The following TMEM132D variants were observed in gnomAD, a reference collection of about 807,000 sequenced individuals.
TMEM132D encodes mature OL transmembrane protein.
A neutral mutation model predicts 62.3 loss-of-function variants in TMEM132D; 21 were observed. The ratio of observed to expected loss-of-function variants is 0.34; its 90% confidence interval spans 0.24 to 0.49. TMEM132D has a LOEUF of 0.49. Among genes scored for constraint, TMEM132D ranks in the 20% least tolerant of loss-of-function variants. The probability of loss-of-function intolerance (pLI) is 0.99; values close to 1 mark genes in which losing one functional copy is unlikely to be tolerated. For synonymous variants in TMEM132D, 621 were observed against 575.6 expected, an observed-to-expected ratio of 1.08 and a Z score of -1.13; for missense variants, 1,346 against 1,402.8, an observed-to-expected ratio of 0.96 and a Z score of 0.65.
At chr12:129,569,323 T>C (rs777155078) in intron 2 of TMEM132D, among the ~76,000 whole-genome samples, 6 of 152,058 alleles carry the variant, frequency 3.9e-5, no homozygotes, top group African/African-American at 1.2e-4. Context: ...AAGGTAAACT[T>C]GGATATCTGG....
At chr12:129,619,320 C>G (rs1879002422) in intron 2 of TMEM132D, among the ~76,000 whole-genome samples, 1 of 152,054 alleles carries the variant, frequency 6.6e-6, no homozygotes, top group African/African-American at 2.4e-5. Flanking sequence ...GATCTGCATC[C>G]CTGTTGAAAT....
intron 5 of TMEM132D, among the ~76,000 whole-genome samples, chr12:129,092,480 A>G (rs1874957948): frequency 1.3e-5 from 2 of 152,140 alleles, no homozygotes; most frequent in Non-Finnish European, 1.5e-5. Flanking sequence ...GGATCACCTG[A>G]GGTCAGGAGT....
At chr12:129,870,045 G>A (rs1262053854) in intron 1 of TMEM132D, among the ~76,000 whole-genome samples, 5 of 152,208 alleles carry the variant, frequency 3.3e-5, no homozygotes, top group Non-Finnish European at 5.9e-5. Flanking sequence ...CTGGAGTGCA[G>A]AGGTGTGATC....
At chr12:129,252,865 A>C (rs1162868708) in intron 4 of TMEM132D, among the ~76,000 whole-genome samples, 1 of 152,134 alleles carries the variant, frequency 6.6e-6, no homozygotes, top group African/African-American at 2.4e-5. Flanking sequence ...GCAGCCATAA[A>C]AAAGGATGAG....
At chr12:129,767,176 G>A (rs1279432988) in intron 1 of TMEM132D, among the ~76,000 whole-genome samples, 2 of 152,196 alleles carry the variant, frequency 1.3e-5, no homozygotes, top group South Asian at 2.1e-4. Flanking sequence ...TCCAGAAAAT[G>A]TATTGTTCTT....
intron 1 of TMEM132D, among the ~76,000 whole-genome samples, chr12:129,894,004 C>T (rs910626292): frequency 1.4e-4 from 21 of 152,222 alleles, no homozygotes; most frequent in African/African-American, 3.9e-4. Flanking sequence ...TCCCCACCAG[C>T]ATCAGATGAG....
intron 3 of TMEM132D, among the ~76,000 whole-genome samples, chr12:129,464,778 T>C (rs949745785): frequency 1.3e-5 from 2 of 152,190 alleles, no homozygotes; most frequent in Non-Finnish European, 2.9e-5. Context: ...GATCAGATAG[T>C]TGTAGATATG....
chr12:129,483,998 C>G (rs982576857), intron 3 of TMEM132D, among the ~76,000 whole-genome samples: 18 of 152,190 alleles, frequency 1.2e-4, no homozygotes, highest in African/African-American at 4.3e-4. Flanking sequence ...GAGGCAGAGT[C>G]TCACTCTGTC....
At position 129,700,621 on chromosome 12, in the gene TMEM132D, T is replaced by A. The variant is rs1483250888; in HGVS notation, c.157A>T (p.Ile53Phe). ...LPTYLPVTYH[I>F]NNADVSFFLK... ...AAGAAGGAGACGTCCGCGTTGTTGATGTGGTAGGTCACGGGGAGGTAGGTG... is the reference window on the plus strand; with the variant it reads ...AAGAAGGAGACGTCCGCGTTGTTGAAGTGGTAGGTCACGGGGAGGTAGGTG... Residue 53 changes from isoleucine to phenylalanine, a missense_variant, in exon 2 of 9, where the codon ATC becomes TTC. Transcript: ENST00000422113. The A allele has an allele frequency of 1.9e-6, 3 of 1,614,034 alleles. No individual in the cohort carries two copies. The highest frequency in any genetic ancestry group is 2.5e-6 in the Non-Finnish European group (3 of 1,180,016).
rs550601053 is a variant in TMEM132D at position 129,877,781 on chromosome 12, T to G, written c.79+25480A>C. On this transcript the variant is annotated intron_variant, in intron 1 of 8. Coordinates refer to ENST00000422113, the MANE Select transcript of TMEM132D (RefSeq NM_133448.3). ...ACAGAGGTAGCTGTTTCTCTTCCAG[T>G]CATGCCAGGATAAGTTATTCTAATG... Among the ~76,000 whole-genome samples the G allele has an allele frequency of 5.9e-5, 9 of 152,282 alleles. No individual in the cohort carries two copies. The South Asian group carries it at 1.9e-3, about 32-fold the overall frequency.
chr12:129,102,391 T>G (rs552544892), intron 5 of TMEM132D, among the ~76,000 whole-genome samples: 2 of 150,212 alleles, frequency 1.3e-5, no homozygotes, highest in Non-Finnish European at 2.9e-5. Context: ...GACACATGCA[T>G]ACACACACAA....
intron 2 of TMEM132D, among the ~76,000 whole-genome samples, chr12:129,683,273 T>A (rs781442682): frequency 6.6e-6 from 1 of 152,230 alleles, no homozygotes; most frequent in Non-Finnish European, 1.5e-5. Context: ...TAAATTCTCT[T>A]ATAAACTATA....
chr12:129,163,766 C>T (rs757337314), intron 5 of TMEM132D, among the ~76,000 whole-genome samples: 1 of 152,190 alleles, frequency 6.6e-6, no homozygotes, highest in African/African-American at 2.4e-5. Flanking sequence ...TCTGAAAATG[C>T]CCCTTCCTTC....
intron 1 of TMEM132D, among the ~76,000 whole-genome samples, chr12:129,855,268 G>A (rs12426804): frequency 3.3e-5 from 2 of 61,412 alleles, no homozygotes; most frequent in Non-Finnish European, 3.2e-5. Flanking sequence ...GGGTGCCCTT[G>A]TAACGGAGTC....
intron 2 of TMEM132D, among the ~76,000 whole-genome samples, chr12:129,669,325 G>GT (rs1880448308): frequency 6.6e-6 from 1 of 152,132 alleles, no homozygotes; most frequent in Non-Finnish European, 1.5e-5. Flanking sequence ...TGTTCTTGAG[G>GT]TTTTTTCCTG....
intron 5 of TMEM132D, among the ~76,000 whole-genome samples, chr12:129,134,128 G>GT (rs1876474382): frequency 7.0e-6 from 1 of 142,730 alleles, no homozygotes; most frequent in Non-Finnish European, 1.5e-5. Context: ...GTGTGTGTGT[G>GT]TGTGTCTGTG....
At chr12:129,407,351 G>C (rs1390508059) in intron 3 of TMEM132D, among the ~76,000 whole-genome samples, 1 of 152,124 alleles carries the variant, frequency 6.6e-6, no homozygotes, top group Non-Finnish European at 1.5e-5. Context: ...TCGTCTGTCA[G>C]AATTCTGGGA....
chr12:129,363,377 A>AT (rs1870311541), intron 3 of TMEM132D, among the ~76,000 whole-genome samples: 1 of 152,254 alleles, frequency 6.6e-6, no homozygotes, highest in African/African-American at 2.4e-5. Flanking sequence ...TTATGTAGCC[A>AT]CGATCTCTTT....
At chr12:129,218,814 T>C (rs1057104224) in intron 4 of TMEM132D, among the ~76,000 whole-genome samples, 2 of 152,256 alleles carry the variant, frequency 1.3e-5, no homozygotes, top group Admixed American at 1.3e-4. Context: ...TAAGACAAGT[T>C]AATCTCTTTG....
Sources: allele counts gnomAD v4.1 joint callset (sites outside exome capture counted in the v4.1 genomes callset), GRCh38; gene constraint gnomAD v4.1.1; transcripts MANE v1.5; gene names NCBI Gene and HGNC (gene_info 2026-07-23, HGNC 2026-07-21).